LINGO2: variants seen among roughly 807,000 people sequenced by gnomAD.
The protein encoded by LINGO2 is leucine-rich repeat and immunoglobulin-like domain-containing nogo receptor-interacting protein 2.
In LINGO2, 14 loss-of-function variants were observed where a neutral mutation model predicts 30.6. The observed-to-expected ratio is 0.46, with a 90% confidence interval of 0.30 to 0.72. The LOEUF (loss-of-function observed/expected upper bound fraction) is 0.72, where lower values mean the gene tolerates loss of function less well. Among genes scored for constraint, LINGO2 ranks in the 30% least tolerant of loss-of-function variants. The pLI is 0.07. For missense variants in LINGO2, 729 were observed against 751.7 expected, an observed-to-expected ratio of 0.97 and a Z score of 0.35; for synonymous variants, 317 against 288.5, an observed-to-expected ratio of 1.10 and a Z score of -1.00.
At chr9:29,189,862 A>G in the LINGO2 span, among the ~76,000 whole-genome samples, 1 of 151,158 alleles carries the variant, frequency 6.6e-6, no homozygotes, top group Non-Finnish European at 1.5e-5. Context: ...AAATACGAAA[A>G]CCAGTCAGGC....
chr9:28,883,120 T>C, the LINGO2 span, among the ~76,000 whole-genome samples: 2 of 152,176 alleles, frequency 1.3e-5, no homozygotes, highest in African/African-American at 4.8e-5. Flanking sequence ...TATCTACCTG[T>C]TGAGCTCAAT....
chr9:28,899,888 G>A, the LINGO2 span, among the ~76,000 whole-genome samples: 2 of 152,172 alleles, frequency 1.3e-5, no homozygotes, highest in Non-Finnish European at 2.9e-5. Flanking sequence ...TTCCAGGCCT[G>A]CTTCAGCCAA....
downstream of LINGO2, among the ~76,000 whole-genome samples, chr9:27,946,625 GA>G (rs1156288146): frequency 6.6e-6 from 1 of 151,702 alleles, no homozygotes; most frequent in Non-Finnish European, 1.5e-5. Flanking sequence ...AAGTTTTTTT[GA>G]AATCTCTAAC....
At chr9:28,920,093 CTATT>C in the LINGO2 span, among the ~76,000 whole-genome samples, 2 of 152,020 alleles carry the variant, frequency 1.3e-5, no homozygotes, top group African/African-American at 4.8e-5. Flanking sequence ...ACATATTTCT[CTATT>C]TAAGATGATT....
chr9:28,504,232 T>C (rs1587769772), intron 1 of LINGO2, among the ~76,000 whole-genome samples: 1 of 151,946 alleles, frequency 6.6e-6, no homozygotes, highest in Non-Finnish European at 1.5e-5. Context: ...TTCTCTATAT[T>C]TTCCCACATA....
intron 4 of LINGO2, among the ~76,000 whole-genome samples, chr9:28,044,581 G>A (rs1294901616): frequency 6.6e-6 from 1 of 151,982 alleles, no homozygotes; most frequent in Non-Finnish European, 1.5e-5. Flanking sequence ...TTTTTTGTTT[G>A]GTTTGATTTT....
intron 2 of LINGO2, among the ~76,000 whole-genome samples, chr9:28,467,390 C>A (rs147489142): frequency 6.6e-6 from 1 of 152,196 alleles, no homozygotes; most frequent in East Asian, 1.9e-4. Context: ...TAGCAAACAA[C>A]ATAGTGAAAA....
intron 1 of LINGO2, among the ~76,000 whole-genome samples, chr9:28,665,791 G>C (rs990805274): frequency 1.3e-5 from 2 of 151,636 alleles, no homozygotes; most frequent in African/African-American, 4.8e-5. Flanking sequence ...TCATTCCTCA[G>C]TATTATTTCT....
At chr9:28,892,660 G>C in the LINGO2 span, among the ~76,000 whole-genome samples, 5 of 151,884 alleles carry the variant, frequency 3.3e-5, no homozygotes, top group South Asian at 1.0e-3. Flanking sequence ...CAACACAAAA[G>C]ATTTTATTAC....
At chr9:29,166,151 A>G in the LINGO2 span, among the ~76,000 whole-genome samples, 1 of 152,158 alleles carries the variant, frequency 6.6e-6, no homozygotes, top group Non-Finnish European at 1.5e-5. Flanking sequence ...AGGCAAGTAG[A>G]CGTTTAGAAT....
chr9:28,167,280 G>A (rs1168491389), intron 4 of LINGO2, among the ~76,000 whole-genome samples: 4 of 141,940 alleles, frequency 2.8e-5, no homozygotes, highest in Non-Finnish European at 6.1e-5. Context: ...GCCATGATCA[G>A]TAAAGTGCCT....
the LINGO2 span, among the ~76,000 whole-genome samples, chr9:29,211,977 C>T: frequency 6.6e-6 from 1 of 152,150 alleles, no homozygotes; most frequent in Non-Finnish European, 1.5e-5. Flanking sequence ...TTTTTAGATA[C>T]AGACCCTATA....
At chr9:27,949,330 G>C (rs1823508376) in exon 6 of LINGO2, 2 of 1,614,066 alleles carry the variant, frequency 1.2e-6, no homozygotes, top group Non-Finnish European at 8.5e-7. Context: ...AAACGCCTTC[G>C]GGGTGTCACC....
At chr9:28,505,568 G>T (rs867422112) in intron 1 of LINGO2, among the ~76,000 whole-genome samples, 1 of 151,914 alleles carries the variant, frequency 6.6e-6, no homozygotes, top group African/African-American at 2.4e-5. Flanking sequence ...AAAAGAAATA[G>T]ATCATGATGA....
the LINGO2 span, among the ~76,000 whole-genome samples, chr9:29,173,218 T>C: frequency 6.6e-6 from 1 of 151,992 alleles, no homozygotes; most frequent in Non-Finnish European, 1.5e-5. Flanking sequence ...CTGACTACTA[T>C]CCCAAGAGTC....
the LINGO2 span, among the ~76,000 whole-genome samples, chr9:29,057,945 T>C: frequency 6.6e-6 from 1 of 152,042 alleles, no homozygotes; most frequent in African/African-American, 2.4e-5. Flanking sequence ...CTTGAAAGGA[T>C]CAAACTACCT....
chr9:28,463,704 G>A (rs964726243), intron 2 of LINGO2, among the ~76,000 whole-genome samples: 1 of 151,966 alleles, frequency 6.6e-6, no homozygotes, highest in Non-Finnish European at 1.5e-5. Flanking sequence ...CAGGGAAGGG[G>A]AGAGAGCCAA....
At chr9:28,111,754 T>A (rs1268111139) in intron 4 of LINGO2, among the ~76,000 whole-genome samples, 2 of 152,148 alleles carry the variant, frequency 1.3e-5, no homozygotes, top group Non-Finnish European at 2.9e-5. Context: ...TATCTTCCTT[T>A]ATTAAAACCA....
At chr9:28,086,510 G>C (rs540504175) in intron 4 of LINGO2, among the ~76,000 whole-genome samples, 2 of 152,186 alleles carry the variant, frequency 1.3e-5, no homozygotes, top group Admixed American at 6.6e-5. Context: ...ATCCATGTGT[G>C]AAAGTTGAAC....
Sources: allele counts gnomAD v4.1 joint callset (sites outside exome capture counted in the v4.1 genomes callset), GRCh38; gene constraint gnomAD v4.1.1; transcripts MANE v1.5; gene names NCBI Gene and HGNC (gene_info 2026-07-23, HGNC 2026-07-21).